The following HTR1F variants were observed in gnomAD, a reference collection of about 807,000 sequenced individuals.
HTR1F encodes 5-hydroxytryptamine receptor 1F.
HTR1F carries 17 observed loss-of-function variants against 24.0 expected under a neutral mutation model. The observed-to-expected ratio is 0.71, with a 90% confidence interval of 0.48 to 1.06. HTR1F has a LOEUF of 1.06. HTR1F is among the 50% of genes least tolerant of loss of function. The probability of loss-of-function intolerance (pLI) is 0.00; values close to 1 mark genes in which losing one functional copy is unlikely to be tolerated. For missense variants in HTR1F, 391 were observed against 427.8 expected, an observed-to-expected ratio of 0.91 and a Z score of 0.76; for synonymous variants, 186 against 156.8, an observed-to-expected ratio of 1.19 and a Z score of -1.39.
intron 2 of HTR1F, among the ~76,000 whole-genome samples, chr3:87,965,257 T>A (rs1329871854): frequency 6.6e-6 from 1 of 152,196 alleles, no homozygotes; most frequent in Non-Finnish European, 1.5e-5. Flanking sequence ...ATTAATTCAG[T>A]TAATAATATG....
chr3:87,825,855 CCAGA>C (rs1036338309), intron 2 of HTR1F, among the ~76,000 whole-genome samples: 2 of 151,988 alleles, frequency 1.3e-5, no homozygotes, highest in African/African-American at 4.8e-5. Flanking sequence ...AGTTGTGATA[CCAGA>C]CAGACAGGCA....
intron 2 of HTR1F, among the ~76,000 whole-genome samples, chr3:87,921,103 C>G (rs955252644): frequency 1.3e-5 from 2 of 151,734 alleles, no homozygotes; most frequent in Non-Finnish European, 2.9e-5. Flanking sequence ...TCATATTTGT[C>G]GAACATCTAC....
intron 1 of HTR1F, among the ~76,000 whole-genome samples, chr3:87,808,258 T>A (rs940522852): frequency 1.3e-5 from 2 of 151,948 alleles, no homozygotes; most frequent in African/African-American, 4.8e-5. Context: ...GTACTTCTGT[T>A]GTTGGGAGAC....
intron 2 of HTR1F, among the ~76,000 whole-genome samples, chr3:87,903,465 G>A (rs1475972983): frequency 6.6e-6 from 1 of 151,870 alleles, no homozygotes; most frequent in Admixed American, 6.6e-5. Flanking sequence ...GTGGGCAAAG[G>A]ACATGAACAG....
intron 2 of HTR1F, among the ~76,000 whole-genome samples, chr3:87,888,455 C>T (rs545952226): frequency 6.6e-6 from 1 of 151,574 alleles, no homozygotes; most frequent in Non-Finnish European, 1.5e-5. Flanking sequence ...TACCCTAGAA[C>T]TTAAAGTATA....
At chr3:87,977,763 C>A (rs1189174934) in intron 2 of HTR1F, among the ~76,000 whole-genome samples, 1 of 63,782 alleles carries the variant, frequency 1.6e-5, no homozygotes, top group East Asian at 4.5e-4. Context: ...CCTGAGCTCA[C>A]ACACACTATT....
chr3:87,904,165 A>C (rs1218577453), intron 2 of HTR1F, among the ~76,000 whole-genome samples: 4 of 152,192 alleles, frequency 2.6e-5, no homozygotes, highest in Admixed American at 2.6e-4. Context: ...TTAAAACCAC[A>C]ATGAGATATC....
At chr3:87,935,725 T>C (rs1704396403) in intron 2 of HTR1F, among the ~76,000 whole-genome samples, 1 of 152,192 alleles carries the variant, frequency 6.6e-6, no homozygotes, top group African/African-American at 2.4e-5. Flanking sequence ...ATCATAAAAT[T>C]ATGAGAGGTT....
chr3:87,880,524 C>A (rs1461595489), intron 2 of HTR1F, among the ~76,000 whole-genome samples: 1 of 152,040 alleles, frequency 6.6e-6, no homozygotes, highest in Non-Finnish European at 1.5e-5. Context: ...AACTGGATTA[C>A]TCTATTTACA....
intron 2 of HTR1F, among the ~76,000 whole-genome samples, chr3:87,928,641 A>G (rs1488860950): frequency 6.6e-6 from 1 of 152,110 alleles, no homozygotes; most frequent in Non-Finnish European, 1.5e-5. Context: ...GCTGAAATGA[A>G]CCACCTTCCG....
intron 2 of HTR1F, among the ~76,000 whole-genome samples, chr3:87,896,330 C>T (rs1367933313): frequency 7.2e-5 from 11 of 152,178 alleles, no homozygotes; most frequent in Admixed American, 7.2e-4. Context: ...GACATACAGT[C>T]CATCTACTAT....
intron 2 of HTR1F, among the ~76,000 whole-genome samples, chr3:87,846,955 A>G (rs1704958855): frequency 6.6e-6 from 1 of 151,870 alleles, no homozygotes; most frequent in Non-Finnish European, 1.5e-5. Context: ...TATGGCAAGT[A>G]TATTCAGAAG....
At chr3:87,884,913 C>A (rs1436885424) in intron 2 of HTR1F, among the ~76,000 whole-genome samples, 3 of 151,898 alleles carry the variant, frequency 2.0e-5, no homozygotes, top group South Asian at 2.1e-4. Context: ...CTTTAACACC[C>A]CACTGTCAGA....
At chr3:87,885,200 C>T (rs919929518) in intron 2 of HTR1F, among the ~76,000 whole-genome samples, 11 of 152,262 alleles carry the variant, frequency 7.2e-5, no homozygotes, top group Admixed American at 7.2e-4. Context: ...CTGAAAACCA[C>T]ACAACTACAT....
At chr3:87,977,386 G>T (rs1331147445) in intron 2 of HTR1F, among the ~76,000 whole-genome samples, 2 of 143,586 alleles carry the variant, frequency 1.4e-5, no homozygotes, top group African/African-American at 5.0e-5. Context: ...AGATAATGAA[G>T]CTGAGACTTT....
chr3:87,901,521 T>C (rs1706322935), intron 2 of HTR1F, among the ~76,000 whole-genome samples: 1 of 152,144 alleles, frequency 6.6e-6, no homozygotes, highest in Non-Finnish European at 1.5e-5. Flanking sequence ...ACCCAATAAG[T>C]AGTAGTGGCC....
intron 2 of HTR1F, among the ~76,000 whole-genome samples, chr3:87,859,111 T>C (rs1384149991): frequency 1.3e-5 from 2 of 152,162 alleles, no homozygotes; most frequent in African/African-American, 4.8e-5. Flanking sequence ...GGCAGGAGAA[T>C]TGCTTGAACC....
At chr3:87,942,729 AAGCG>A (rs1704599935) in intron 2 of HTR1F, among the ~76,000 whole-genome samples, 1 of 147,466 alleles carries the variant, frequency 6.8e-6, no homozygotes, top group African/African-American at 2.6e-5. Flanking sequence ...GCCATGACTA[AAGCG>A]GTGGCCTTTT....
intron 1 of HTR1F, among the ~76,000 whole-genome samples, chr3:87,795,269 C>T (rs149742679): frequency 0.013 from 2,024 of 152,276 alleles, 50 homozygotes; most frequent in African/African-American, 0.045. Flanking sequence ...CAGGCGTGAG[C>T]CACAGCGCCC....
Sources: gnomAD v4.1 joint callset for allele counts (sites outside exome capture counted in the v4.1 genomes callset) on GRCh38, gnomAD v4.1.1 for gene constraint, MANE v1.5 for transcripts, NCBI Gene and HGNC (gene_info 2026-07-23, HGNC 2026-07-21) for gene names.